Variants in CACNA2D1 observed in about 807,000 individuals in gnomAD.
The protein encoded by CACNA2D1 is calcium voltage-gated channel auxiliary subunit alpha2delta 1.
In CACNA2D1, 53 loss-of-function variants were observed where a neutral mutation model predicts 171.5. The observed-to-expected ratio is 0.31, with a 90% CI of 0.25 to 0.39. CACNA2D1 has a LOEUF of 0.39. CACNA2D1 is among the 10% of genes least tolerant of loss of function. The pLI is 1.00. For missense variants in CACNA2D1, 903 were observed against 1,299.8 expected (o/e 0.69, Z 4.69); for synonymous variants, 442 against 443.1 (o/e 1.00, Z 0.03).
chr7:82,377,010 C>A (rs1019194887), intron 1 of CACNA2D1, among the ~76,000 whole-genome samples: 1 of 152,138 alleles, frequency 6.6e-6, no homozygotes, highest in African/African-American at 2.4e-5. Flanking sequence ...CAAAACTGTT[C>A]TCTAATGCAA....
At chr7:82,207,290 T>C (rs1374750479) in intron 3 of CACNA2D1, among the ~76,000 whole-genome samples, 2 of 152,330 alleles carry the variant, frequency 1.3e-5, no homozygotes, top group African/African-American at 2.4e-5. Flanking sequence ...CCTACCATAG[T>C]AGCTCTGTGC....
chr7:82,307,313 C>T (rs113847329), intron 3 of CACNA2D1, among the ~76,000 whole-genome samples: 1,929 of 151,892 alleles, frequency 0.013, 53 homozygotes, highest in African/African-American at 0.044. Context: ...CGCCACCACA[C>T]CTGGCTAATT....
chr7:82,394,188 T>C (rs1825522926), intron 1 of CACNA2D1, among the ~76,000 whole-genome samples: 1 of 152,170 alleles, frequency 6.6e-6, no homozygotes, highest in Non-Finnish European at 1.5e-5. Flanking sequence ...AAGACACATT[T>C]CTTGATACGT....
At chr7:82,072,516 G>T (rs1808447325) in intron 7 of CACNA2D1, among the ~76,000 whole-genome samples, 1 of 151,338 alleles carries the variant, frequency 6.6e-6, no homozygotes, top group Admixed American at 6.6e-5. Flanking sequence ...AGTTACTTTT[G>T]AAAAATAACA....
intron 10 of CACNA2D1, among the ~76,000 whole-genome samples, chr7:82,046,947 A>G (rs1804626196): frequency 1.3e-5 from 2 of 152,130 alleles, no homozygotes; most frequent in African/African-American, 4.8e-5. Flanking sequence ...TATTCTTTTT[A>G]TATTTTGATA....
chr7:82,039,005 G>A (rs896418583), intron 10 of CACNA2D1, among the ~76,000 whole-genome samples: 7 of 152,156 alleles, frequency 4.6e-5, no homozygotes, highest in African/African-American at 1.7e-4. Flanking sequence ...TAGGAATGCT[G>A]CAACAAAATC....
chr7:81,968,990 TAAATA>T lies in CACNA2D1; in HGVS notation c.2309-22_2309-18del, dbSNP rs780509781. 6.8e-5 allele frequency: 86 copies of T among 1,267,122 alleles called. No homozygotes were observed. Among genetic ancestry groups the T allele is most frequent in the South Asian group, 4.2e-4 (35 of 82,660 alleles). The allele number at this position is 1,267,122 out of a possible 1,614,324, so 78.5% of individuals were successfully genotyped here. On this transcript the variant is annotated intron_variant, in intron 28 of 38. Coordinates refer to ENST00000356860, the MANE Select transcript of CACNA2D1 (RefSeq NM_000722.4). ...GTCCACTTTCTAAAAAAAAAATAAA[TAAATA>T]AAACACCTATCAAGATATATTGAAT...
At chr7:82,406,528 A>G (rs551821387) in intron 1 of CACNA2D1, among the ~76,000 whole-genome samples, 2 of 152,250 alleles carry the variant, frequency 1.3e-5, no homozygotes, top group South Asian at 4.1e-4. Context: ...AAGTGTTCCT[A>G]TTTCTCCACA....
chr7:82,177,108 C>G (rs1305786173), intron 3 of CACNA2D1, among the ~76,000 whole-genome samples: 14 of 79,012 alleles, frequency 1.8e-4, no homozygotes, highest in South Asian at 3.9e-4. Flanking sequence ...GGGGGGCGGG[C>G]TGGAGGGTAT....
At chr7:82,326,226 C>T (rs997119037) in intron 3 of CACNA2D1, among the ~76,000 whole-genome samples, 69 of 152,096 alleles carry the variant, frequency 4.5e-4, no homozygotes, top group African/African-American at 1.5e-3. Context: ...TTGGTGTTTA[C>T]GTAAAAGCTT....
At chr7:82,348,471 T>A (rs1285761943) in intron 2 of CACNA2D1, among the ~76,000 whole-genome samples, 1 of 152,172 alleles carries the variant, frequency 6.6e-6, no homozygotes, top group Non-Finnish European at 1.5e-5. Flanking sequence ...ACATATTACG[T>A]GCTCAACATA....
At chr7:82,409,661 T>C (rs1298159398) in intron 1 of CACNA2D1, among the ~76,000 whole-genome samples, 2 of 152,232 alleles carry the variant, frequency 1.3e-5, no homozygotes, top group Non-Finnish European at 1.5e-5. Flanking sequence ...ATAAAGCCAC[T>C]GTACCTCTCG....
intron 3 of CACNA2D1, among the ~76,000 whole-genome samples, chr7:82,264,481 G>A (rs1807552989): frequency 6.6e-6 from 1 of 152,178 alleles, no homozygotes; most frequent in African/African-American, 2.4e-5. Context: ...GGCATATAGT[G>A]AAGGTATTGT....
At chr7:82,437,728 C>T (rs528677778) in intron 1 of CACNA2D1, among the ~76,000 whole-genome samples, 116 of 83,002 alleles carry the variant, frequency 1.4e-3, no homozygotes, top group African/African-American at 8.4e-3. Flanking sequence ...GAGCAATGAC[C>T]GCTTTCTTTA....
chr7:82,174,712 A>G (rs928966842), intron 3 of CACNA2D1, among the ~76,000 whole-genome samples: 2 of 152,162 alleles, frequency 1.3e-5, no homozygotes, highest in African/African-American at 4.8e-5. Context: ...ATTACTAAAA[A>G]ATGAAAAACA....
At chr7:81,995,034 T>C (rs1016795777) in intron 19 of CACNA2D1, 95 bp from the exon 20 acceptor site, 10 of 675,208 alleles carry the variant, frequency 1.5e-5, no homozygotes, top group Non-Finnish European at 2.4e-5. Flanking sequence ...TTCTTTACCT[T>C]ATTTAGAACA....
intron 18 of CACNA2D1, 111 bp from the exon 19 acceptor site, chr7:81,997,361 A>C: frequency 1.5e-6 from 1 of 671,056 alleles, no homozygotes; most frequent in Non-Finnish European, 2.7e-6. Flanking sequence ...CTAGGATACA[A>C]TAATTGTATA....
chr7:82,014,836 C>G (rs1368260252), intron 12 of CACNA2D1, among the ~76,000 whole-genome samples: 1 of 152,076 alleles, frequency 6.6e-6, no homozygotes, highest in Non-Finnish European at 1.5e-5. Flanking sequence ...GGCAGATCAC[C>G]TGAGGTCAGG....
At chr7:82,236,364 C>T (rs1236615547) in intron 3 of CACNA2D1, among the ~76,000 whole-genome samples, 1 of 152,054 alleles carries the variant, frequency 6.6e-6, no homozygotes, top group African/African-American at 2.4e-5. Flanking sequence ...ATATTAAAAA[C>T]AGTGGTAGTC....
Sources: allele counts gnomAD v4.1 joint callset (sites outside exome capture counted in the v4.1 genomes callset), GRCh38; gene constraint gnomAD v4.1.1; transcripts MANE v1.5; gene names NCBI Gene and HGNC (gene_info 2026-07-23, HGNC 2026-07-21).